The following MAP3K2 variants were observed in gnomAD, a reference collection of about 807,000 sequenced individuals.
MAP3K2 encodes the protein mitogen-activated protein kinase kinase kinase 2, also known as MAP/ERK kinase kinase 2.
Under a neutral mutation model 80.3 loss-of-function variants are expected in MAP3K2, and 24 were observed. That is an observed-to-expected ratio of 0.30 (90% CI 0.22 to 0.42). The LOEUF is 0.42. MAP3K2 is among the 10% of genes least tolerant of loss of function. The probability of loss-of-function intolerance (pLI) is 1.00; values close to 1 mark genes in which losing one functional copy is unlikely to be tolerated. For missense variants in MAP3K2, 608 were observed against 750.1 expected (o/e 0.81, Z 2.21); for synonymous variants, 244 against 253.7 (o/e 0.96, Z 0.36).
intron 14 of MAP3K2, among the ~76,000 whole-genome samples, chr2:127,316,069 C>T (rs766890274): frequency 1.8e-4 from 27 of 151,330 alleles, no homozygotes; most frequent in Non-Finnish European, 3.2e-4. Context: ...AACAAGACTC[C>T]TTCTCAAAAA....
intron 11 of MAP3K2, among the ~76,000 whole-genome samples, chr2:127,323,328 C>G (rs1686063691): frequency 6.6e-6 from 1 of 151,580 alleles, no homozygotes; most frequent in South Asian, 2.1e-4. Context: ...TGCACTCCAG[C>G]CTGGGTGACA....
intron 7 of MAP3K2, among the ~76,000 whole-genome samples, chr2:127,329,466 C>G (rs1361776652): frequency 3.3e-5 from 5 of 151,626 alleles, no homozygotes; most frequent in Non-Finnish European, 7.4e-5. Flanking sequence ...AAGCAATCCT[C>G]TTGCCTCAGC....
At chr2:127,326,930 C>G (rs374840311) in intron 7 of MAP3K2, 113 bp from the exon 8 acceptor site, 3 of 633,672 alleles carry the variant, frequency 4.7e-6, no homozygotes, top group African/African-American at 3.7e-5. Flanking sequence ...AAAGAAAATT[C>G]AATTTTTATT....
intron 1 of MAP3K2, among the ~76,000 whole-genome samples, chr2:127,363,440 T>A (rs559626837): frequency 6.6e-6 from 1 of 152,284 alleles, no homozygotes; most frequent in African/African-American, 2.4e-5. Context: ...TCAAAATCAG[T>A]TCATATTGAA....
intron 1 of MAP3K2, among the ~76,000 whole-genome samples, chr2:127,344,542 T>C (rs889883298): frequency 2.0e-5 from 3 of 150,618 alleles, no homozygotes; most frequent in African/African-American, 7.3e-5. Flanking sequence ...TAGTGGTGCA[T>C]GCCTGTAGTC....
intron 1 of MAP3K2, among the ~76,000 whole-genome samples, chr2:127,361,185 C>T (rs1451203855): frequency 4.0e-5 from 6 of 151,604 alleles, no homozygotes; most frequent in African/African-American, 7.3e-5. Context: ...TGGTGGCAGG[C>T]GCCTGTAGTC....
At chr2:127,342,391 GT>G (rs1686511871) in intron 2 of MAP3K2, among the ~76,000 whole-genome samples, 39 of 82,158 alleles carry the variant, frequency 4.7e-4, no homozygotes, top group Admixed American at 2.1e-3. Context: ...TCATGAGGGT[GT>G]GTGTGTGTGT....
intron 1 of MAP3K2, among the ~76,000 whole-genome samples, chr2:127,382,654 T>C (rs1263433128): frequency 2.6e-5 from 4 of 152,246 alleles, no homozygotes; most frequent in Non-Finnish European, 5.9e-5. Context: ...TGCCTCAGCC[T>C]CCCAAGTATC....
intron 15 of MAP3K2, among the ~76,000 whole-genome samples, 186 bp downstream of exon 15, chr2:127,314,568 C>T (rs1327590521): frequency 6.6e-6 from 1 of 152,178 alleles, no homozygotes. Flanking sequence ...AGTAGAGCTA[C>T]CCATTTGTGG....
At position 127,310,124 on chromosome 2, in the gene MAP3K2, CTTTA is replaced by C. The variant is rs1685782768; in HGVS notation, c.1457-1366_1457-1363del. Among the ~76,000 whole-genome samples the C allele has an allele frequency of 3.9e-5, 6 of 152,322 alleles. No individual in the cohort carries two copies. The South Asian group carries it at 1.2e-3, about 32-fold the overall frequency. Reference sequence around the variant, plus strand: ...TACACTGGGTTATAATCCAGTACTACTTTATTTGCCTGCTATTTATCAGTTTCAG... The same window carrying C: ...TACACTGGGTTATAATCCAGTACTACTTTGCCTGCTATTTATCAGTTTCAG... On this transcript the variant is annotated intron_variant, in intron 15 of 16. Transcript: ENST00000682094. This position sits in a 1 kb window ranked among gnomAD's most constrained non-coding sequence, Gnocchi z 4.8.
At chr2:127,386,629 A>AC (rs1558994204) in intron 1 of MAP3K2, among the ~76,000 whole-genome samples, 1 of 152,208 alleles carries the variant, frequency 6.6e-6, no homozygotes, top group Non-Finnish European at 1.5e-5. Flanking sequence ...TCTGTCCAGT[A>AC]CTAGTACATA....
At chr2:127,380,161 T>C (rs1392865197) in intron 1 of MAP3K2, among the ~76,000 whole-genome samples, 2 of 152,184 alleles carry the variant, frequency 1.3e-5, no homozygotes, top group Non-Finnish European at 2.9e-5. Flanking sequence ...CTGTCTGCAC[T>C]GTGCTAGGTA....
Position 127,342,856 on chromosome 2 carries a change from C to T in MAP3K2, c.4+270G>A, listed in dbSNP as rs768160621. On this transcript the variant is annotated intron_variant, in intron 2 of 16. Coordinates refer to ENST00000682094, the MANE Select transcript of MAP3K2 (RefSeq NM_001371910.2). ...ATTAAATTTTATGATTTCTCTCTTG[C>T]CATCAGACTTTAAGCAAATCACAAC... Among the ~76,000 whole-genome samples, 25 of 152,212 alleles carry T rather than the reference C, an allele frequency of 1.6e-4. No homozygotes were observed. In the Middle Eastern group the frequency reaches 0.017, roughly 104 times the overall value.
At chr2:127,372,532 G>A (rs10803585) in intron 1 of MAP3K2, among the ~76,000 whole-genome samples, 53,397 of 151,828 alleles carry the variant, frequency 0.35, 10,155 homozygotes, top group East Asian at 0.62. Context: ...TTGGGGAAGC[G>A]CACACAGCCA....
chr2:127,344,011 G>GA (rs894891894), intron 1 of MAP3K2, among the ~76,000 whole-genome samples: 33 of 146,420 alleles, frequency 2.3e-4, no homozygotes, highest in East Asian at 1.4e-3. Context: ...CTGCCTAGAA[G>GA]AAAAAAAAAA....
rs1685590493 is a variant in MAP3K2, at chr2:127,301,396, G to C, written c.*6183C>G. The C allele has an allele frequency of 6.6e-6, 1 of 152,178 alleles. No homozygotes were observed. The highest frequency in any genetic ancestry group is 1.5e-5 in the Non-Finnish European group (1 of 68,012). 9.4% of individuals were successfully genotyped at this position (152,178 alleles called of 1,614,324 possible). On this transcript the variant is annotated 3_prime_UTR_variant, in exon 17 of 17. Transcript: ENST00000682094. ...CATGTCTACATAGTTCCTCAATAGTGGAAGTAACTTCTGGATGTCTAAATG... is the reference window on the plus strand; with the variant it reads ...CATGTCTACATAGTTCCTCAATAGTCGAAGTAACTTCTGGATGTCTAAATG...
chr2:127,307,445 T>C lies in MAP3K2; in HGVS notation c.*134A>G, dbSNP rs899149122. 3 of 474,114 alleles carry C rather than the reference T, an allele frequency of 6.3e-6. No individual in the cohort carries two copies. Among genetic ancestry groups the C allele is most frequent in the Admixed American group, 3.8e-5 (1 of 26,212 alleles). The allele number at this position is 474,114 out of a possible 1,614,324, so 29.4% of individuals were successfully genotyped here. ...ATTATTAAACAAATTTAACCAAGAA[T>C]CAAGAGAAATACTTTCCCTCTTGTC... On this transcript the variant is annotated 3_prime_UTR_variant, in exon 17 of 17. Transcript: ENST00000682094. This position sits in a 1 kb window ranked among gnomAD's most constrained non-coding sequence, Gnocchi z 5.4.
In MAP3K2 at chr2:127,387,430, GCGCACGCA is replaced by G; in HGVS notation, c.-66+14_-66+21del. 7.1e-6 allele frequency: 5 copies of G among 700,980 alleles called. No individual in the cohort carries two copies. The highest frequency in any genetic ancestry group is 8.0e-6 in the Non-Finnish European group (5 of 623,128). The allele number at this position is 700,980 out of a possible 1,614,324, so 43.4% of individuals were successfully genotyped here. ...CACACACACACACACACAAGCGCGC[GCGCACGCA>G]CACACGCACGTACCGGCTGCTCCGC... On this transcript the variant is annotated intron_variant, in intron 1 of 16. Coordinates refer to ENST00000682094, the MANE Select transcript of MAP3K2 (RefSeq NM_001371910.2).
chr2:127,368,494 C>T (rs145087676), intron 1 of MAP3K2, among the ~76,000 whole-genome samples: 5,969 of 151,800 alleles, frequency 0.039, 198 homozygotes, highest in African/African-American at 0.079. Context: ...TGGTGGCATG[C>T]GCCTGTAGTC....
Sources: allele counts gnomAD v4.1 joint callset (sites outside exome capture counted in the v4.1 genomes callset), GRCh38; gene constraint gnomAD v4.1.1; non-coding constraint Gnocchi (gnomAD v3.1); transcripts MANE v1.5; gene names NCBI Gene and HGNC (gene_info 2026-07-23, HGNC 2026-07-21).